Variants in ZNF564 observed in about 807,000 individuals in gnomAD.
ZNF564 encodes the protein zinc finger protein 564.
A neutral mutation model predicts 10.5 loss-of-function variants in ZNF564; 5 were observed. The ratio of observed to expected loss-of-function variants is 0.48; its 90% confidence interval spans 0.25 to 1.00. The LOEUF is 1.00. ZNF564 is among the 50% of genes least tolerant of loss of function. The probability of loss-of-function intolerance (pLI) is 0.16; values close to 1 mark genes in which losing one functional copy is unlikely to be tolerated. For synonymous variants in ZNF564, 242 were observed against 218.1 expected (o/e 1.11, Z -0.97); for missense variants, 603 against 669.7 (o/e 0.90, Z 1.10).
intron 1 of ZNF564, among the ~76,000 whole-genome samples, chr19:12,531,041 C>G (rs905651663): frequency 9.2e-5 from 14 of 152,038 alleles, no homozygotes; most frequent in Middle Eastern, 3.2e-3. Flanking sequence ...AACCACCACA[C>G]CTGGCTGGAA....
chr19:12,540,334 G>T (rs1462464350), intron 1 of ZNF564, among the ~76,000 whole-genome samples: 4 of 152,188 alleles, frequency 2.6e-5, no homozygotes, highest in Non-Finnish European at 5.9e-5. Context: ...TATGCAATAT[G>T]TTTAGTAAGT....
At position 12,541,269 on chromosome 19, in the gene ZNF564, T is replaced by TA. The variant is rs201063216; in HGVS notation, c.3+10060dup. On this transcript the variant is annotated intron_variant, in intron 1 of 3. Coordinates refer to ENST00000339282, the MANE Select transcript of ZNF564 (RefSeq NM_144976.4). ...CCCTGCCTCAAAAAACAAAAATAGC[T>TA]AGGCAGGGTGGCTCACGCCTGTAAT... Among the ~76,000 whole-genome samples, 1,114 of 151,598 alleles carry TA rather than the reference T, an allele frequency of 7.3e-3. 10 individuals carry two copies. Among genetic ancestry groups the TA allele is most frequent in the Middle Eastern group, 0.014 (4 of 294 alleles).
chr19:12,547,173 G>A (rs1358874414), intron 1 of ZNF564, among the ~76,000 whole-genome samples: 1 of 152,090 alleles, frequency 6.6e-6, no homozygotes, highest in Non-Finnish European at 1.5e-5. Flanking sequence ...GGGCTCAAGG[G>A]ATCCTCCCAC....
At chr19:12,528,164 T>G in intron 3 of ZNF564, 140 bp downstream of exon 3, 1 of 898,960 alleles carries the variant, frequency 1.1e-6, no homozygotes, top group Non-Finnish European at 1.7e-6. Flanking sequence ...TGAACATCTA[T>G]GCCACTTTTT....
chr19:12,534,285 T>A (rs998963589), intron 1 of ZNF564, among the ~76,000 whole-genome samples: 2 of 152,216 alleles, frequency 1.3e-5, no homozygotes, highest in Admixed American at 6.5e-5. Context: ...AAGACATGAT[T>A]ATATAAAATA....
chr19:12,533,364 A>G (rs2021845162), intron 1 of ZNF564, among the ~76,000 whole-genome samples: 3 of 152,200 alleles, frequency 2.0e-5, no homozygotes, highest in South Asian at 4.1e-4. Context: ...AAAGCAGTGC[A>G]TAGAGGAATA....
intron 1 of ZNF564, among the ~76,000 whole-genome samples, chr19:12,546,262 A>G (rs1435618014): frequency 6.6e-6 from 1 of 152,216 alleles, no homozygotes; most frequent in Non-Finnish European, 1.5e-5. Context: ...GTGGATACAA[A>G]ACCAAATTGC....
chr19:12,539,503 CAAAAAAA>C (rs1181815609), intron 1 of ZNF564, among the ~76,000 whole-genome samples: 1 of 64,018 alleles, frequency 1.6e-5, no homozygotes, highest in African/African-American at 6.0e-5. Flanking sequence ...AATAAAAATA[CAAAAAAA>C]AAAAAAAAAG....
At chr19:12,535,525 G>T (rs921904735) in intron 1 of ZNF564, among the ~76,000 whole-genome samples, 8 of 152,050 alleles carry the variant, frequency 5.3e-5, no homozygotes, top group Admixed American at 2.0e-4. Context: ...GGATGCAAAG[G>T]GCAGATGAAT....
intron 1 of ZNF564, among the ~76,000 whole-genome samples, chr19:12,535,488 A>C (rs1039028054): frequency 6.6e-6 from 1 of 152,222 alleles, no homozygotes; most frequent in Non-Finnish European, 1.5e-5. Flanking sequence ...TGGGACATGA[A>C]AAAGTCTTTG....
In ZNF564 at chr19:12,551,434, G is replaced by A. The variant is rs2022260670; in HGVS notation, c.-102C>T. 6.9e-7 allele frequency: 1 copy of A among 1,448,268 alleles called. No homozygotes were observed. The highest frequency in any genetic ancestry group is 2.7e-5 in the Admixed American group (1 of 37,348). The allele number at this position is 1,448,268 out of a possible 1,614,324, so 89.7% of individuals were successfully genotyped here. A position where few individuals can be genotyped will look rare whatever the true frequency, so the allele number is the denominator to read the frequency against. Reference sequence around the variant, plus strand: ...TGCGGTGGAGCCACCGGGGCCACTGGAGAAGCGGAGACCGGAACCCAAACG... The same window carrying A: ...TGCGGTGGAGCCACCGGGGCCACTGAAGAAGCGGAGACCGGAACCCAAACG... On this transcript the variant is annotated 5_prime_UTR_variant, in exon 1 of 4. Coordinates refer to ENST00000339282, the MANE Select transcript of ZNF564 (RefSeq NM_144976.4).
intron 1 of ZNF564, among the ~76,000 whole-genome samples, chr19:12,539,912 C>T (rs540823785): frequency 6.0e-5 from 9 of 149,998 alleles, no homozygotes; most frequent in Middle Eastern, 6.9e-3. Context: ...ATCTGGGAGG[C>T]GGAGCTTGCA....
At chr19:12,537,915 A>T (rs2021952330) in intron 1 of ZNF564, among the ~76,000 whole-genome samples, 1 of 152,014 alleles carries the variant, frequency 6.6e-6, no homozygotes, top group Non-Finnish European at 1.5e-5. Flanking sequence ...AAGTTCTTGG[A>T]AGTTCTACAT....
At chr19:12,527,952 G>C (rs1265721826) in intron 3 of ZNF564, 36 bp from the exon 4 acceptor site, 7 of 1,540,008 alleles carry the variant, frequency 4.5e-6, no homozygotes, top group Non-Finnish European at 6.1e-6. Context: ...AGTGGTTTGT[G>C]ACTTTATATT....
At position 12,526,621 on chromosome 19, in the gene ZNF564, T is replaced by C. The variant is rs766557609; in HGVS notation, c.1487A>G (p.Glu496Gly). Residue 496 changes from glutamate (E) to glycine (G), a missense_variant, in exon 4 of 4, where the codon GAA (glutamate) becomes GGA (glycine). Transcript: ENST00000339282. ...FNYASSIRIH[E>G]RTHTGEKPYE... ...GGGTTTTTCTCCGGTATGAGTTCTT[T>C]CATGTATTCTAATGGAACTGGCATA... is the stretch of plus-strand genomic sequence containing the variant. 1.9e-6 allele frequency: 3 copies of C among 1,614,034 alleles called. No individual in the cohort carries two copies. Among genetic ancestry groups the C allele is most frequent in the Non-Finnish European group, 2.5e-6 (3 of 1,180,050 alleles).
At chr19:12,548,134 C>T in intron 1 of ZNF564, 3 of 980,540 alleles carry the variant, frequency 3.1e-6, no homozygotes, top group Middle Eastern at 5.2e-4. Flanking sequence ...AAGAAAATAT[C>T]CTGTGTTTGA....
chr19:12,547,955 G>C (rs1055557236), intron 1 of ZNF564, among the ~76,000 whole-genome samples: 1 of 151,594 alleles, frequency 6.6e-6, no homozygotes, highest in Non-Finnish European at 1.5e-5. Context: ...GGGATTACAG[G>C]CATGCGCCAC....
intron 1 of ZNF564, among the ~76,000 whole-genome samples, chr19:12,547,828 T>G (rs2022181730): frequency 6.6e-6 from 1 of 151,716 alleles, no homozygotes; most frequent in Admixed American, 6.6e-5. Flanking sequence ...TTTTTTTTTT[T>G]GAGACTGAGT....
intron 1 of ZNF564, among the ~76,000 whole-genome samples, chr19:12,547,241 A>C (rs1049396194): frequency 6.6e-6 from 1 of 152,068 alleles, no homozygotes; most frequent in Non-Finnish European, 1.5e-5. Context: ...AATTTTGTAG[A>C]GAGATGGTCT....
Sources: allele counts gnomAD v4.1 joint callset (sites outside exome capture counted in the v4.1 genomes callset), GRCh38; gene constraint gnomAD v4.1.1; transcripts MANE v1.5; gene names NCBI Gene and HGNC (gene_info 2026-07-23, HGNC 2026-07-21).